Variants in FGF1 observed in about 807,000 individuals in gnomAD.
The protein encoded by FGF1 is fibroblast growth factor 1.
A neutral mutation model predicts 13.4 loss-of-function variants in FGF1; 9 were observed. The ratio of observed to expected loss-of-function variants is 0.67; its 90% CI spans 0.40 to 1.17. FGF1 has a LOEUF of 1.17. Among genes scored for constraint, FGF1 ranks in the 50% most tolerant of loss-of-function variants. The pLI is 0.01. For synonymous variants in FGF1, 93 were observed against 79.0 expected (o/e 1.18, Z -0.94); for missense variants, 156 against 192.7 (o/e 0.81, Z 1.13).
intron 1 of FGF1, among the ~76,000 whole-genome samples, chr5:142,619,689 C>T (rs996639854): frequency 3.9e-5 from 6 of 151,930 alleles, no homozygotes; most frequent in Admixed American, 2.0e-4. Context: ...CAAAATTAGC[C>T]GGGCATGGTG....
intron 2 of FGF1, among the ~76,000 whole-genome samples, chr5:142,604,243 T>A (rs1174404416): frequency 1.3e-5 from 2 of 152,210 alleles, no homozygotes; most frequent in Non-Finnish European, 2.9e-5. Flanking sequence ...CTTAAATAGG[T>A]GAATTGTATG....
At chr5:142,673,518 A>G (rs1163740762) in intron 1 of FGF1, among the ~76,000 whole-genome samples, 1 of 152,196 alleles carries the variant, frequency 6.6e-6, no homozygotes, top group Non-Finnish European at 1.5e-5. Flanking sequence ...CAATTCTATG[A>G]CTTCAGGCCT....
rs746834474 is a variant in FGF1, at chr5:142,670,664, A to G, written c.-35+15293T>C. On this transcript the variant is annotated intron_variant, in intron 1 of 3. Transcript: ENST00000337706. ...CAGCAAAGCATATGAAGAAATTAGG[A>G]AAAAAACCCCACAAAAACCTGACAG... is the stretch of plus-strand genomic sequence containing the variant. Among the ~76,000 whole-genome samples the G allele has an allele frequency of 3.5e-4, 53 of 152,314 alleles. 1 individual carries two copies. The highest frequency in any genetic ancestry group is 4.1e-4 in the South Asian group (2 of 4,826).
chr5:142,607,209 C>T (rs1005166866), intron 2 of FGF1, among the ~76,000 whole-genome samples: 2 of 152,228 alleles, frequency 1.3e-5, no homozygotes, highest in Admixed American at 1.3e-4. Flanking sequence ...CAGACAGGGA[C>T]CCAGGAGAAA....
At chr5:142,631,018 A>T (rs1215587130) in intron 1 of FGF1, among the ~76,000 whole-genome samples, 2 of 152,188 alleles carry the variant, frequency 1.3e-5, no homozygotes, top group African/African-American at 2.4e-5. Flanking sequence ...CCCTCAAACG[A>T]TGGCCAGCAC....
intron 3 of FGF1, among the ~76,000 whole-genome samples, chr5:142,595,687 T>C (rs1755109083): frequency 6.6e-6 from 1 of 152,224 alleles, no homozygotes; most frequent in Admixed American, 6.5e-5. Context: ...ACTAAAGAGC[T>C]GTCAATATGC....
rs541954922 is a variant in FGF1, at chr5:142,678,527, C to T, written c.-35+7430G>A. On this transcript the variant is annotated intron_variant, in intron 1 of 3. Coordinates refer to ENST00000337706, the MANE Select transcript of FGF1 (RefSeq NM_000800.5). ...ATCATGAAAAAGGCAAATTGGGCTT[C>T]GGGTACTCTGCACTCCTCCTTTCAG... Among the ~76,000 whole-genome samples, 48 of 152,278 alleles carry T rather than the reference C, an allele frequency of 3.2e-4. 1 individual carries two copies. Among genetic ancestry groups the T allele is most frequent in the African/African-American group, 1.1e-3 (47 of 41,564 alleles).
At chr5:142,608,724 C>T (rs1758372886) in intron 2 of FGF1, among the ~76,000 whole-genome samples, 1 of 139,280 alleles carries the variant, frequency 7.2e-6, no homozygotes, top group Admixed American at 7.3e-5. Flanking sequence ...TATATACACA[C>T]ACACATATAT....
At chr5:142,671,332 C>T (rs940276101) in intron 1 of FGF1, among the ~76,000 whole-genome samples, 7 of 152,118 alleles carry the variant, frequency 4.6e-5, no homozygotes, top group Non-Finnish European at 1.0e-4. Context: ...AGGGGTAAGA[C>T]GTCTTCTGTA....
chr5:142,681,189 G>A (rs749163587), intron 1 of FGF1, among the ~76,000 whole-genome samples: 39 of 152,214 alleles, frequency 2.6e-4, no homozygotes, highest in Non-Finnish European at 4.6e-4. Context: ...ACAAATCTCT[G>A]TAAGTCACAT....
intron 3 of FGF1, among the ~76,000 whole-genome samples, chr5:142,597,222 C>A (rs1755459076): frequency 6.6e-6 from 1 of 152,182 alleles, no homozygotes; most frequent in Non-Finnish European, 1.5e-5. Context: ...AGATGTATTA[C>A]CTTTGACTCA....
chr5:142,673,422 G>A (rs146146841), intron 1 of FGF1, among the ~76,000 whole-genome samples: 80 of 152,328 alleles, frequency 5.3e-4, no homozygotes, highest in African/African-American at 1.8e-3. Context: ...AGAGGCAGAT[G>A]TTGGACAAAG....
upstream of FGF1, among the ~76,000 whole-genome samples, chr5:142,690,246 G>A (rs1021042510): frequency 4.6e-5 from 7 of 150,922 alleles, no homozygotes; most frequent in African/African-American, 1.5e-4. Flanking sequence ...GCGTGAACCC[G>A]GTGAACCCGG....
intron 1 of FGF1, among the ~76,000 whole-genome samples, chr5:142,663,024 G>A (rs1006979483): frequency 6.6e-6 from 1 of 152,020 alleles, no homozygotes; most frequent in African/African-American, 2.4e-5. Flanking sequence ...GGGTCTTGCC[G>A]TGTTGCCCAG....
At chr5:142,678,736 A>G (rs960158694) in intron 1 of FGF1, among the ~76,000 whole-genome samples, 3 of 152,220 alleles carry the variant, frequency 2.0e-5, no homozygotes, top group African/African-American at 7.2e-5. Context: ...CTAGATTTAT[A>G]AGACCTTTCT....
intron 1 of FGF1, among the ~76,000 whole-genome samples, chr5:142,619,637 C>T (rs1433652243): frequency 2.6e-5 from 4 of 152,108 alleles, no homozygotes; most frequent in Admixed American, 6.5e-5. Context: ...TCTTCGTGAC[C>T]AGCCTGACGA....
chr5:142,644,497 C>G (rs1765697117), intron 1 of FGF1, among the ~76,000 whole-genome samples: 1 of 152,072 alleles, frequency 6.6e-6, no homozygotes, highest in Non-Finnish European at 1.5e-5. Context: ...TTGGGGCCAC[C>G]ACACCTTCCC....
chr5:142,665,017 ATT>A (rs1266709982), intron 1 of FGF1, among the ~76,000 whole-genome samples: 2 of 152,240 alleles, frequency 1.3e-5, no homozygotes, highest in Non-Finnish European at 2.9e-5. Context: ...AAACAGTAAC[ATT>A]GAAAAACAGT....
chr5:142,660,383 A>G (rs1768987230), intron 1 of FGF1, among the ~76,000 whole-genome samples: 1 of 152,068 alleles, frequency 6.6e-6, no homozygotes, highest in African/African-American at 2.4e-5. Flanking sequence ...TTCATGACTC[A>G]AGTTGGGGCC....
Sources: gnomAD v4.1 joint callset for allele counts (sites outside exome capture counted in the v4.1 genomes callset) on GRCh38, gnomAD v4.1.1 for gene constraint, MANE v1.5 for transcripts, NCBI Gene and HGNC (gene_info 2026-07-23, HGNC 2026-07-21) for gene names.